Variants in PPP1R16B observed in about 807,000 individuals in gnomAD.
PPP1R16B encodes protein phosphatase 1 regulatory subunit 16B, also known as protein phosphatase 1 regulatory inhibitor subunit 16B.
In PPP1R16B, 14 loss-of-function variants were observed where a neutral mutation model predicts 61.7. The ratio of observed to expected loss-of-function variants is 0.23; its 90% confidence interval spans 0.15 to 0.35. The LOEUF (loss-of-function observed/expected upper bound fraction) is 0.35. Ranked by LOEUF, PPP1R16B falls within the 10% of genes least tolerant of loss-of-function variation. The probability of loss-of-function intolerance (pLI) is 1.00; values close to 1 mark genes in which losing one functional copy is unlikely to be tolerated. For synonymous variants in PPP1R16B, 266 were observed against 305.3 expected (o/e 0.87, Z 1.34); for missense variants, 547 against 752.5 (o/e 0.73, Z 3.19).
At chr20:38,888,581 G>C (rs1009414724) in intron 2 of PPP1R16B, among the ~76,000 whole-genome samples, 1 of 152,142 alleles carries the variant, frequency 6.6e-6, no homozygotes, top group Non-Finnish European at 1.5e-5. Context: ...TGGCCCCCTG[G>C]ACTCCTCATC....
chr20:38,836,560 G>C (rs1266930527), intron 2 of PPP1R16B, among the ~76,000 whole-genome samples: 1 of 152,186 alleles, frequency 6.6e-6, no homozygotes, highest in Non-Finnish European at 1.5e-5. Context: ...GTCTCATTCT[G>C]TTGCCCTGGC....
intron 2 of PPP1R16B, among the ~76,000 whole-genome samples, chr20:38,870,725 GC>G (rs1323457162): frequency 3.3e-5 from 5 of 152,154 alleles, no homozygotes; most frequent in African/African-American, 1.2e-4. Context: ...TTAGCTGCAA[GC>G]AGGACCGGAG....
chr20:38,818,163 C>A (rs372415849), intron 1 of PPP1R16B, among the ~76,000 whole-genome samples: 4 of 152,252 alleles, frequency 2.6e-5, no homozygotes, highest in African/African-American at 9.6e-5. Flanking sequence ...CTGCCACTTC[C>A]TAGTTGTGAC....
intron 2 of PPP1R16B, among the ~76,000 whole-genome samples, chr20:38,868,102 C>T (rs951624478): frequency 5.9e-5 from 9 of 152,212 alleles, no homozygotes; most frequent in Non-Finnish European, 1.5e-5. Context: ...CTCCCCTGGG[C>T]TGTTTTCCAT....
At chr20:38,891,296 T>C (rs1568676635) in intron 3 of PPP1R16B, among the ~76,000 whole-genome samples, 1 of 152,184 alleles carries the variant, frequency 6.6e-6, no homozygotes, top group Non-Finnish European at 1.5e-5. Flanking sequence ...CTCAGTTTCC[T>C]CATCTCTAAA....
chr20:38,907,762 G>T lies in PPP1R16B; in HGVS notation c.899-44G>T, dbSNP rs750699141. On this transcript the variant is annotated intron_variant, in intron 8 of 10. Transcript: ENST00000299824. The surrounding 1 kb of genome is among the most constrained non-coding windows in gnomAD (Gnocchi z 4.5). ...GTCTGGAGCACCCTCTTGCGCCACA[G>T]GTCCTGGCCCCGTCCCCCACAACAG... is the stretch of plus-strand genomic sequence containing the variant. 1 of 1,609,020 alleles carries T rather than the reference G, an allele frequency of 6.2e-7. No individual in the cohort carries two copies. Among genetic ancestry groups the T allele is most frequent in the Non-Finnish European group, 8.5e-7 (1 of 1,176,788 alleles).
At chr20:38,829,542 C>T (rs968187418) in intron 1 of PPP1R16B, among the ~76,000 whole-genome samples, 4 of 152,138 alleles carry the variant, frequency 2.6e-5, no homozygotes, top group Non-Finnish European at 5.9e-5. Flanking sequence ...CTTGGGGATC[C>T]CCTTTAAGTC....
chr20:38,818,807 C>G (rs1226051127), intron 1 of PPP1R16B, among the ~76,000 whole-genome samples: 1 of 149,704 alleles, frequency 6.7e-6, no homozygotes, highest in African/African-American at 2.5e-5. Context: ...GTTGCCCAGG[C>G]TAGAGTGCAG....
intron 4 of PPP1R16B, 100 bp downstream of exon 4, chr20:38,895,810 C>T (rs953002186): frequency 9.1e-7 from 1 of 1,098,832 alleles, no homozygotes; most frequent in East Asian, 3.2e-5. Flanking sequence ...TCTTTCTCTC[C>T]TCCCTTCCTC....
chr20:38,876,017 A>G (rs1405639223), intron 2 of PPP1R16B, among the ~76,000 whole-genome samples: 3 of 124,946 alleles, frequency 2.4e-5, no homozygotes, highest in Non-Finnish European at 3.2e-5. Flanking sequence ...CTTGTTGCCC[A>G]GGCTGGAGTG....
At chr20:38,830,913 C>G (rs1253085943) in intron 1 of PPP1R16B, among the ~76,000 whole-genome samples, 1 of 152,142 alleles carries the variant, frequency 6.6e-6, no homozygotes, top group Admixed American at 6.5e-5. Flanking sequence ...TACCATTACT[C>G]TTTACTTTTA....
chr20:38,851,453 A>G (rs1212400184), intron 2 of PPP1R16B, among the ~76,000 whole-genome samples: 1 of 151,828 alleles, frequency 6.6e-6, no homozygotes, highest in African/African-American at 2.4e-5. Flanking sequence ...TGACAGAGTG[A>G]GACTCCATCT....
At chr20:38,902,872 C>A in intron 6 of PPP1R16B, 80 bp downstream of exon 6, 1 of 1,585,932 alleles carries the variant, frequency 6.3e-7, no homozygotes, top group Non-Finnish European at 8.6e-7. Context: ...CAACCCTGTA[C>A]CCTTGGGGCC....
intron 5 of PPP1R16B, among the ~76,000 whole-genome samples, chr20:38,901,114 C>G (rs1278540469): frequency 6.6e-6 from 1 of 152,204 alleles, no homozygotes; most frequent in Non-Finnish European, 1.5e-5. Context: ...GTGGGCTGTT[C>G]TCAACTCACA....
chr20:38,910,872 G>C (rs1206631981), intron 10 of PPP1R16B, among the ~76,000 whole-genome samples: 4 of 152,162 alleles, frequency 2.6e-5, no homozygotes, highest in African/African-American at 7.2e-5. Context: ...GCACGCGTCT[G>C]TAGTCCCAGC....
intron 4 of PPP1R16B, 137 bp from the exon 5 acceptor site, chr20:38,900,444 T>C (rs1455976255): frequency 1.6e-6 from 1 of 606,498 alleles, no homozygotes; most frequent in Non-Finnish European, 2.8e-6. Flanking sequence ...AAGCATCATC[T>C]TGCTGGGGTA....
At chr20:38,914,482 CT>C (rs1348683324) in intron 10 of PPP1R16B, among the ~76,000 whole-genome samples, 5 of 152,214 alleles carry the variant, frequency 3.3e-5, no homozygotes, top group African/African-American at 1.2e-4. Context: ...CAATTGTGTT[CT>C]TATTTGTATA....
At chr20:38,916,950 C>T (rs1016386187) in intron 10 of PPP1R16B, among the ~76,000 whole-genome samples, 8 of 152,038 alleles carry the variant, frequency 5.3e-5, no homozygotes, top group African/African-American at 1.9e-4. Context: ...TTGCTGTGGG[C>T]TACATATTAG....
At chr20:38,811,796 A>G (rs528003114) in intron 1 of PPP1R16B, among the ~76,000 whole-genome samples, 66 of 152,292 alleles carry the variant, frequency 4.3e-4, no homozygotes, top group Admixed American at 4.1e-3. Flanking sequence ...GTGCTGCTAA[A>G]TATCCTGTGG....
Sources: allele counts gnomAD v4.1 joint callset (sites outside exome capture counted in the v4.1 genomes callset), GRCh38; gene constraint gnomAD v4.1.1; non-coding constraint Gnocchi (gnomAD v3.1); transcripts MANE v1.5; gene names NCBI Gene and HGNC (gene_info 2026-07-23, HGNC 2026-07-21).